Variants in ATP11C observed in about 807,000 individuals in gnomAD.
The protein encoded by ATP11C is phospholipid-transporting ATPase IG.
ATP11C carries 36 observed loss-of-function variants against 97.4 expected under a neutral mutation model. That is an observed-to-expected ratio of 0.37 (90% CI 0.28 to 0.49). The LOEUF (loss-of-function observed/expected upper bound fraction) is 0.49. Ranked by LOEUF, ATP11C falls within the 20% of genes least tolerant of loss-of-function variation. The pLI is 0.98. For missense variants in ATP11C, 730 were observed against 824.6 expected (o/e 0.89, Z 1.40); for synonymous variants, 275 against 290.9 (o/e 0.95, Z 0.56).
intron 1 of ATP11C, among the ~76,000 whole-genome samples, chrX:139,830,811 C>T (rs1187046214): frequency 9.0e-6 from 1 of 111,402 alleles, no homozygotes; most frequent in African/African-American, 3.3e-5. Context: ...AGCATAGTGT[C>T]TTAAAAAGGC....
Position 139,798,256 on chromosome X carries a change from T to C in ATP11C, c.857+17A>G, listed in dbSNP as rs1204708840. The stretch of plus-strand genomic sequence containing the variant: ...TTTTAATCAATAATGACTAAATAAA[T>C]TGTGGCGCATACTAACTTTTCAACA... On this transcript the variant is annotated intron_variant, in intron 10 of 29. Coordinates refer to ENST00000682941, the MANE Select transcript of ATP11C (RefSeq NM_001353812.2). 5 of 1,174,356 alleles carry C rather than the reference T, an allele frequency of 4.3e-6. No individual in the cohort carries two copies. Among genetic ancestry groups the C allele is most frequent in the Non-Finnish European group, 5.8e-6 (5 of 868,345 alleles).
chrX:139,868,530 A>G (rs1881505913), intron 1 of ATP11C, among the ~76,000 whole-genome samples: 1 of 107,554 alleles, frequency 9.3e-6, no homozygotes, highest in Non-Finnish European at 1.9e-5. Context: ...AGTCTGACCA[A>G]TATGGTGAAA....
chrX:139,737,779 G>C, intron 28 of ATP11C, 137 bp downstream of exon 28: 1 of 677,883 alleles, frequency 1.5e-6, no homozygotes, highest in Non-Finnish European at 2.4e-6. Flanking sequence ...ATGCAGAAGA[G>C]GAAATTAAGT....
chrX:139,900,152 C>T (rs2084874160), intron 1 of ATP11C, among the ~76,000 whole-genome samples: 1 of 110,928 alleles, frequency 9.0e-6, no homozygotes, highest in South Asian at 3.8e-4. Flanking sequence ...AGGTGGATCA[C>T]GAAGTCGAGA....
In ATP11C at chrX:139,782,527, G is replaced by A. The variant is rs376516075; in HGVS notation, c.1952+20C>T. The A allele has an allele frequency of 9.0e-7, 1 of 1,115,595 alleles. No individual in the cohort carries two copies. The highest frequency in any genetic ancestry group is 2.3e-5 in the Admixed American group (1 of 43,464). 91.9% of individuals were successfully genotyped at this position (1,115,595 alleles called of 1,213,427 possible). On this transcript the variant is annotated intron_variant, in intron 18 of 29. Coordinates refer to ENST00000682941, the MANE Select transcript of ATP11C (RefSeq NM_001353812.2). ...AAAACACTGGTCATTAAAATAATAA[G>A]AGTATCATTTTCTAGTTACTTGTCT... is the stretch of plus-strand genomic sequence containing the variant.
At chrX:139,885,325 G>A (rs1191366707) in intron 1 of ATP11C, among the ~76,000 whole-genome samples, 1 of 110,734 alleles carries the variant, frequency 9.0e-6, no homozygotes, top group Admixed American at 9.7e-5. Flanking sequence ...AGACTTGGTG[G>A]TACAAATTGT....
At chrX:139,867,279 A>G (rs2084302266) in intron 1 of ATP11C, among the ~76,000 whole-genome samples, 1 of 111,106 alleles carries the variant, frequency 9.0e-6, no homozygotes. Context: ...AATAAACAAG[A>G]TAAGTAAAAT....
chrX:139,765,862 T>C (rs1300112382), intron 20 of ATP11C, among the ~76,000 whole-genome samples: 4 of 110,887 alleles, frequency 3.6e-5, no homozygotes, highest in African/African-American at 1.3e-4. Context: ...TGAAAGGTAA[T>C]GAAAAGAAAG....
chrX:139,917,685 G>A (rs906223659), intron 1 of ATP11C, among the ~76,000 whole-genome samples: 1 of 111,594 alleles, frequency 9.0e-6, no homozygotes, highest in Non-Finnish European at 1.9e-5. Flanking sequence ...GGTCAGGCGT[G>A]GTGGTTCCCA....
intron 1 of ATP11C, among the ~76,000 whole-genome samples, chrX:139,858,146 C>T (rs2084123418): frequency 1.8e-5 from 2 of 113,113 alleles, no homozygotes; most frequent in Admixed American, 1.9e-4. Context: ...GATGCAGGCC[C>T]TTCAACCTTG....
intron 28 of ATP11C, chrX:139,732,581 G>GA: frequency 7.9e-6 from 1 of 126,314 alleles, no homozygotes; most frequent in Non-Finnish European, 1.5e-5. Context: ...GAGAAATGCA[G>GA]AAACCAAAAA....
chrX:139,873,667 A>T (rs1603408617), intron 1 of ATP11C, among the ~76,000 whole-genome samples: 1 of 95,724 alleles, frequency 1.0e-5, no homozygotes. Flanking sequence ...AGATCTCACC[A>T]CTGCACTCCA....
rs981225223 is a variant in ATP11C, at chrX:139,931,424, T to C, written c.27+592A>G. Among the ~76,000 whole-genome samples the C allele has an allele frequency of 3.4e-3, 381 of 111,769 alleles. 3 individuals carry two copies. Among genetic ancestry groups the C allele is most frequent in the African/African-American group, 0.012 (359 of 30,804 alleles). On this transcript the variant is annotated intron_variant, in intron 1 of 29. Coordinates refer to ENST00000682941, the MANE Select transcript of ATP11C (RefSeq NM_001353812.2). ...GGCTGCACATCCACCCGGCCCACCC[T>C]GACAATCACGCTCGCCTTTCAAACA...
At chrX:139,741,510 G>A (rs1486292898) in intron 26 of ATP11C, among the ~76,000 whole-genome samples, 2 of 110,800 alleles carry the variant, frequency 1.8e-5, no homozygotes, top group Non-Finnish European at 3.8e-5. Flanking sequence ...AGTAGGAGAG[G>A]GAAGGGGTAG....
chrX:139,844,444 G>C (rs982546767), intron 1 of ATP11C, among the ~76,000 whole-genome samples: 4 of 110,389 alleles, frequency 3.6e-5, no homozygotes, highest in Admixed American at 9.6e-5. Flanking sequence ...GGAAAGGCCT[G>C]GTGCCGAGTA....
chrX:139,815,146 A>G (rs1414173471), intron 4 of ATP11C, among the ~76,000 whole-genome samples, 161 bp from the exon 5 acceptor site: 3 of 112,287 alleles, frequency 2.7e-5, no homozygotes, highest in African/African-American at 9.7e-5. Flanking sequence ...TTAATAGCAA[A>G]TCTGAGACAC....
intron 1 of ATP11C, among the ~76,000 whole-genome samples, chrX:139,916,546 A>G (rs910925114): frequency 1.8e-5 from 2 of 111,259 alleles, no homozygotes; most frequent in Non-Finnish European, 3.8e-5. Context: ...TCATAGTAAC[A>G]TGAGAACCTG....
At chrX:139,837,846 T>C (rs1200477185) in intron 1 of ATP11C, among the ~76,000 whole-genome samples, 1 of 112,189 alleles carries the variant, frequency 8.9e-6, no homozygotes, top group African/African-American at 3.2e-5. Context: ...ACATCTCAGC[T>C]TGGTTCCCAG....
intron 20 of ATP11C, among the ~76,000 whole-genome samples, chrX:139,767,012 TGCAGAATGTACACCA>T (rs2082153111): frequency 9.0e-6 from 1 of 110,656 alleles, no homozygotes; most frequent in Non-Finnish European, 1.9e-5. Flanking sequence ...CCAACAGGAG[TGCAGAATGTACACCA>T]GAGAAAGGAG....
Sources: gnomAD v4.1 joint callset for allele counts (sites outside exome capture counted in the v4.1 genomes callset) on GRCh38, gnomAD v4.1.1 for gene constraint, MANE v1.5 for transcripts, NCBI Gene and HGNC (gene_info 2026-07-23, HGNC 2026-07-21) for gene names.